The following DACH2 variants were observed in gnomAD, a reference collection of about 807,000 sequenced individuals.
DACH2 encodes dachshund family transcription factor 2.
In DACH2, 17 loss-of-function variants were observed where a neutral mutation model predicts 35.8. The observed-to-expected ratio is 0.48, with a 90% CI of 0.33 to 0.71. DACH2 has a LOEUF of 0.71. Ranked by LOEUF, DACH2 falls within the 30% of genes least tolerant of loss-of-function variation. DACH2 has a pLI of 0.02. For synonymous variants in DACH2, 195 were observed against 177.3 expected (o/e 1.10, Z -0.79); for missense variants, 469 against 472.7 (o/e 0.99, Z 0.07).
chrX:86,172,985 A>G (rs755175857), intron 1 of DACH2, among the ~76,000 whole-genome samples: 1 of 112,181 alleles, frequency 8.9e-6, no homozygotes, highest in African/African-American at 3.2e-5. Flanking sequence ...TTTAGAGACA[A>G]CAGCATAATA....
At chrX:86,568,234 G>A (rs908282929) in intron 3 of DACH2, among the ~76,000 whole-genome samples, 18 of 111,098 alleles carry the variant, frequency 1.6e-4, no homozygotes, top group African/African-American at 4.2e-4. Context: ...TATACACTGC[G>A]AAATCACATA....
intron 1 of DACH2, among the ~76,000 whole-genome samples, chrX:86,251,538 G>A (rs865967218): frequency 9.0e-5 from 10 of 111,011 alleles, no homozygotes; most frequent in Non-Finnish European, 1.5e-4. Context: ...TCATTCTTAT[G>A]CCTTTGCATC....
intron 1 of DACH2, among the ~76,000 whole-genome samples, chrX:86,331,406 C>A (rs2035210517): frequency 1.8e-5 from 2 of 110,500 alleles, no homozygotes; most frequent in African/African-American, 6.6e-5. Context: ...AATTTTGCTG[C>A]TACCTCGAGC....
chrX:86,665,600 T>G lies in DACH2; in HGVS notation c.772+14433T>G, dbSNP rs187321467. The stretch of plus-strand genomic sequence containing the variant: ...TGAAAATCTTCTATTCCATATTAGC[T>G]GCTAATTTATAGCCAACGAAGGAAA... On this transcript the variant is annotated intron_variant, in intron 4 of 11. Coordinates refer to ENST00000373125, the MANE Select transcript of DACH2 (RefSeq NM_053281.3). 4.1e-4 allele frequency among the ~76,000 whole-genome samples: 46 copies of G among 111,931 alleles called. No homozygotes were observed. In the East Asian group the frequency reaches 4.5e-3, roughly 11 times the overall value.
At chrX:86,304,316 C>T (rs1006210704) in intron 1 of DACH2, 2 of 112,119 alleles carry the variant, frequency 1.8e-5, no homozygotes, top group African/African-American at 6.5e-5. Flanking sequence ...AAGCTGCAAG[C>T]TGTGTACTCA....
At chrX:86,541,791 AT>A (rs2038886390) in intron 3 of DACH2, among the ~76,000 whole-genome samples, 1 of 111,728 alleles carries the variant, frequency 9.0e-6, no homozygotes, top group South Asian at 3.7e-4. Flanking sequence ...GATTTTGTAA[AT>A]GAAGAAATCA....
chrX:86,160,322 ACTGT>A, intron 1 of DACH2: 1 of 1,056,791 alleles, frequency 9.5e-7, no homozygotes, highest in Admixed American at 2.2e-5. Flanking sequence ...ACCCACAGCA[ACTGT>A]CTGTCTCATA....
intron 3 of DACH2, among the ~76,000 whole-genome samples, chrX:86,619,160 G>T (rs1462740920): frequency 1.8e-5 from 2 of 111,670 alleles, no homozygotes; most frequent in Non-Finnish European, 3.8e-5. Flanking sequence ...GTAAATAAGA[G>T]AGAAGATGAA....
At chrX:86,222,177 T>C (rs1215109078) in intron 1 of DACH2, among the ~76,000 whole-genome samples, 2 of 112,381 alleles carry the variant, frequency 1.8e-5, no homozygotes, top group Admixed American at 1.9e-4. Context: ...ATACAATTGC[T>C]GTACACGAAA....
At chrX:86,698,859 A>G (rs1346181563) in intron 5 of DACH2, among the ~76,000 whole-genome samples, 1 of 110,584 alleles carries the variant, frequency 9.0e-6, no homozygotes, top group South Asian at 3.8e-4. Flanking sequence ...TCTTAATCTA[A>G]CACATAATGG....
chrX:86,359,111 GTGTT>G lies in DACH2; in HGVS notation c.489-17709_489-17706del, dbSNP rs780872818. Among the ~76,000 whole-genome samples, 36 of 106,695 alleles carry G rather than the reference GTGTT, an allele frequency of 3.4e-4. No homozygotes were observed. The South Asian group carries it at 4.4e-3, about 13-fold the overall frequency. The allele number at this position is 106,695 out of a possible 115,157, so 92.7% of individuals were successfully genotyped here. A position where few individuals can be genotyped will look rare whatever the true frequency, so the allele number is the denominator to read the frequency against. ...TGTGTGTGTGTGTGTGTGTGTGTGT[GTGTT>G]TGTGTGTGCATGTGTGTATTTAATT... On this transcript the variant is annotated intron_variant, in intron 1 of 11. Coordinates refer to ENST00000373125, the MANE Select transcript of DACH2 (RefSeq NM_053281.3).
intron 1 of DACH2, among the ~76,000 whole-genome samples, chrX:86,334,295 G>T (rs952926405): frequency 8.9e-6 from 1 of 111,769 alleles, no homozygotes; most frequent in Non-Finnish European, 1.9e-5. Context: ...TGGGTCAAAA[G>T]GTATTATTTC....
At chrX:86,191,625 AT>A (rs1569296907) in intron 1 of DACH2, among the ~76,000 whole-genome samples, 1 of 111,494 alleles carries the variant, frequency 9.0e-6, no homozygotes, top group Non-Finnish European at 1.9e-5. Context: ...TGAACCTAAA[AT>A]AAAAGTTAAG....
chrX:86,204,791 C>T (rs983698950), intron 1 of DACH2, among the ~76,000 whole-genome samples: 1 of 111,752 alleles, frequency 8.9e-6, no homozygotes, highest in Non-Finnish European at 1.9e-5. Flanking sequence ...ACAGCAGCAG[C>T]TCAATCGGAT....
At chrX:86,298,006 A>G (rs940510621) in intron 1 of DACH2, among the ~76,000 whole-genome samples, 6 of 111,750 alleles carry the variant, frequency 5.4e-5, no homozygotes, top group Non-Finnish European at 1.1e-4. Flanking sequence ...CCAGCAGTGA[A>G]CCTCCTTGCC....
chrX:86,381,265 T>G (rs1260057266), intron 2 of DACH2, among the ~76,000 whole-genome samples: 1 of 110,964 alleles, frequency 9.0e-6, no homozygotes, highest in Admixed American at 9.6e-5. Flanking sequence ...TAATGAATGA[T>G]CTGTTTGAAG....
At chrX:86,607,222 T>G (rs1169598399) in intron 3 of DACH2, among the ~76,000 whole-genome samples, 3 of 111,675 alleles carry the variant, frequency 2.7e-5, no homozygotes, top group Non-Finnish European at 5.7e-5. Flanking sequence ...TTTCTGTCAT[T>G]TTGTTATTTG....
chrX:86,762,481 G>T (rs1258324377), intron 7 of DACH2, among the ~76,000 whole-genome samples: 1 of 111,294 alleles, frequency 9.0e-6, no homozygotes, highest in African/African-American at 3.3e-5. Context: ...CCATATGGAA[G>T]ATATTTTACT....
intron 7 of DACH2, among the ~76,000 whole-genome samples, chrX:86,778,890 G>T: frequency 8.9e-6 from 1 of 111,836 alleles, no homozygotes; most frequent in Middle Eastern, 4.7e-3. Context: ...ACAGGTGTGA[G>T]CCACCATGCC....
Sources: allele counts gnomAD v4.1 joint callset (sites outside exome capture counted in the v4.1 genomes callset), GRCh38; gene constraint gnomAD v4.1.1; transcripts MANE v1.5; gene names NCBI Gene and HGNC (gene_info 2026-07-23, HGNC 2026-07-21).